ACOT7: variants seen among roughly 807,000 people sequenced by gnomAD.
ACOT7 encodes the protein cytosolic acyl coenzyme A thioester hydrolase.
Under a neutral mutation model 40.2 loss-of-function variants are expected in ACOT7, and 12 were observed. The ratio of observed to expected loss-of-function variants is 0.30; its 90% confidence interval spans 0.19 to 0.48. ACOT7 has a LOEUF of 0.48. Ranked by LOEUF, ACOT7 falls within the 20% of genes least tolerant of loss-of-function variation. The pLI, the probability that ACOT7 is intolerant of heterozygous loss-of-function variation, is 0.99. For missense variants in ACOT7, 395 were observed against 530.8 expected, an observed-to-expected ratio of 0.74 and a Z score of 2.51; for synonymous variants, 228 against 219.5, an observed-to-expected ratio of 1.04 and a Z score of -0.34.
At chr1:6,312,419 T>TTCCC (rs999826958) in intron 6 of ACOT7, among the ~76,000 whole-genome samples, 11 of 151,982 alleles carry the variant, frequency 7.2e-5, no homozygotes, top group Non-Finnish European at 1.5e-4. Context: ...CTTTCTTTCT[T>TTCCC]TCCCTCCCTC....
rs908829497 is a variant in ACOT7 at position 6,355,534 on chromosome 1, G to A, written c.144-5668C>T. 7.2e-5 allele frequency among the ~76,000 whole-genome samples: 11 copies of A among 152,174 alleles called. No individual in the cohort carries two copies. The highest frequency in any genetic ancestry group is 2.7e-4 in the African/African-American group (11 of 41,434). On this transcript the variant is annotated intron_variant, in intron 1 of 8. Transcript: ENST00000361521. The surrounding 1 kb of genome is among the most constrained non-coding windows in gnomAD (Gnocchi z 5.0). ...GCCATGGGAGCAAGGTGACCACCTG[G>A]GGCGCAGGGACGACCATTCCAGGAA...
In ACOT7 at chr1:6,358,742, C is replaced by T. The variant is rs1324395692; in HGVS notation, c.144-8876G>A. ...GGGCACAGGGGCCGAGTCCCCTCTA[C>T]CCACCCTTCCCTTCCAAATGTCCCT... On this transcript the variant is annotated intron_variant, in intron 1 of 8. Transcript: ENST00000361521. The surrounding 1 kb of genome is among the most constrained non-coding windows in gnomAD (Gnocchi z 4.1). 1 of 1,433,502 alleles carries T rather than the reference C, an allele frequency of 7.0e-7. No homozygotes were observed. Among genetic ancestry groups the T allele is most frequent in the East Asian group, 2.3e-5 (1 of 43,180 alleles). The allele number at this position is 1,433,502 out of a possible 1,614,324, so 88.8% of individuals were successfully genotyped here. A position where few individuals can be genotyped will look rare whatever the true frequency, so the allele number is the denominator to read the frequency against.
At chr1:6,286,322 G>A (rs1257251651) in intron 7 of ACOT7, among the ~76,000 whole-genome samples, 1 of 152,182 alleles carries the variant, frequency 6.6e-6, no homozygotes, top group Non-Finnish European at 1.5e-5. Flanking sequence ...TAGTTCTGGG[G>A]AAGGCGGCCA....
chr1:6,317,728 CTTTTTTTTT>C (rs988852778), intron 6 of ACOT7, among the ~76,000 whole-genome samples: 1 of 135,854 alleles, frequency 7.4e-6, no homozygotes, highest in African/African-American at 2.8e-5. Flanking sequence ...CAGAGTCTTT[CTTTTTTTTT>C]TTTTTTTTTC....
chr1:6,326,575 G>A (rs1181052131), intron 5 of ACOT7, among the ~76,000 whole-genome samples: 3 of 152,182 alleles, frequency 2.0e-5, no homozygotes, highest in Non-Finnish European at 4.4e-5. Context: ...AAGAAGTGGC[G>A]CTTGAACAGC....
intron 5 of ACOT7, among the ~76,000 whole-genome samples, chr1:6,325,988 G>A (rs961402107): frequency 5.9e-5 from 9 of 152,206 alleles, no homozygotes; most frequent in African/African-American, 1.7e-4. Context: ...ACTGCTGAGG[G>A]TGGAGGCAAA....
At chr1:6,385,618 C>T (rs773033812) in intron 1 of ACOT7, 1 of 1,612,330 alleles carries the variant, frequency 6.2e-7, no homozygotes, top group South Asian at 1.1e-5. Context: ...CTGGAAGATG[C>T]CTGCCTCCCA....
rs1034044144 is a variant in ACOT7, at chr1:6,353,495, G to A, written c.144-3629C>T. On this transcript the variant is annotated intron_variant, in intron 1 of 8. Coordinates refer to ENST00000361521, the MANE Select transcript of ACOT7 (RefSeq NM_007274.4). ...CTAAAAATACAAAAATTAGCGGGGC[G>A]TGGTGGTACACACCTGCAATCCTAG... Among the ~76,000 whole-genome samples, 9 of 152,210 alleles carry A rather than the reference G, an allele frequency of 5.9e-5. No individual in the cohort carries two copies. The East Asian group carries it at 9.7e-4, about 16-fold the overall frequency.
In ACOT7 at chr1:6,294,991, AG is replaced by A; in HGVS notation, c.713-12del. 6.2e-7 allele frequency: 1 copy of A among 1,602,338 alleles called. No homozygotes were observed. Among genetic ancestry groups the A allele is most frequent in the Non-Finnish European group, 8.5e-7 (1 of 1,169,802 alleles). ...GCTTCATGGTCACACCTGCGGAGAA[AG>A]GGACATGCGGCAGATGAGACACGGA... On this transcript the variant is annotated splice_polypyrimidine_tract_variant and intron_variant, in intron 6 of 8. Transcript: ENST00000361521. This position sits in a 1 kb window ranked among gnomAD's most constrained non-coding sequence, Gnocchi z 4.6.
At chr1:6,308,861 G>A (rs944911154) in intron 6 of ACOT7, among the ~76,000 whole-genome samples, 16 of 152,250 alleles carry the variant, frequency 1.1e-4, no homozygotes, top group African/African-American at 3.9e-4. Flanking sequence ...AGGGCTCCCA[G>A]CACAGCCAGT....
chr1:6,327,260 T>A (rs758113585), intron 5 of ACOT7, 39 bp downstream of exon 5: 1 of 1,599,866 alleles, frequency 6.3e-7, no homozygotes, highest in South Asian at 1.1e-5. Context: ...GCGTCCCCGG[T>A]GAGGAGTGGC....
intron 2 of ACOT7, among the ~76,000 whole-genome samples, chr1:6,341,728 C>T (rs911512404): frequency 3.3e-5 from 5 of 151,966 alleles, no homozygotes; most frequent in African/African-American, 1.2e-4. Flanking sequence ...GGCGACAGAG[C>T]GAGACTCCGT....
chr1:6,369,820 T>C (rs568254313), intron 1 of ACOT7, among the ~76,000 whole-genome samples: 2 of 152,276 alleles, frequency 1.3e-5, no homozygotes, highest in East Asian at 3.9e-4. Flanking sequence ...ACAAAGGCAA[T>C]CCACCTGCCT....
At chr1:6,265,217 A>G (rs546925973) in intron 8 of ACOT7, among the ~76,000 whole-genome samples, 1 of 151,808 alleles carries the variant, frequency 6.6e-6, no homozygotes, top group African/African-American at 2.4e-5. Context: ...CCCGCAGAGA[A>G]GTGGGGAAAG....
At chr1:6,337,026 G>A (rs1461683431) in intron 3 of ACOT7, among the ~76,000 whole-genome samples, 1 of 152,204 alleles carries the variant, frequency 6.6e-6, no homozygotes, top group African/African-American at 2.4e-5. Context: ...GCTGAAGCTG[G>A]GAAGAAGAAC....
At chr1:6,336,226 C>T (rs947888316) in intron 3 of ACOT7, among the ~76,000 whole-genome samples, 2 of 147,122 alleles carry the variant, frequency 1.4e-5, no homozygotes, top group Non-Finnish European at 3.0e-5. Context: ...CCCAGCTACT[C>T]GGGAGGCTGA....
At chr1:6,315,473 T>C (rs996389304) in intron 6 of ACOT7, among the ~76,000 whole-genome samples, 1 of 152,134 alleles carries the variant, frequency 6.6e-6, no homozygotes, top group African/African-American at 2.4e-5. Flanking sequence ...AGGTTAAGGC[T>C]GGGCACGGTG....
At chr1:6,277,484 C>T (rs568225314) in intron 8 of ACOT7, among the ~76,000 whole-genome samples, 6 of 152,368 alleles carry the variant, frequency 3.9e-5, no homozygotes, top group South Asian at 2.1e-4. Flanking sequence ...CTCTACTTTA[C>T]GCCCATATGC....
At chr1:6,363,391 A>G (rs914680098) in intron 1 of ACOT7, among the ~76,000 whole-genome samples, 16 of 150,786 alleles carry the variant, frequency 1.1e-4, no homozygotes, top group Non-Finnish European at 2.2e-4. Flanking sequence ...AGAGAAGACT[A>G]CTCCTCCACC....
Sources: allele counts gnomAD v4.1 joint callset (sites outside exome capture counted in the v4.1 genomes callset), GRCh38; gene constraint gnomAD v4.1.1; non-coding constraint Gnocchi (gnomAD v3.1); transcripts MANE v1.5; gene names NCBI Gene and HGNC (gene_info 2026-07-23, HGNC 2026-07-21).